Variants in KDM4F observed in about 807,000 individuals in gnomAD.
KDM4F encodes the protein lysine demethylase 4F, also known as probable lysine-specific demethylase 4F.
For missense variants in KDM4F, 586 were observed against 496.4 expected, an observed-to-expected ratio of 1.18 and a Z score of -1.71; for synonymous variants, 223 against 184.4, an observed-to-expected ratio of 1.21 and a Z score of -1.70.
chr11:95,050,077 GC>G, the KDM4F span: 1 of 1,591,496 alleles, frequency 6.3e-7, no homozygotes, highest in Non-Finnish European at 8.6e-7. Flanking sequence ...CATGGTCAGC[GC>G]CTGGAATGCC....
exon 1 of KDM4F, chr11:95,050,709 T>TGTGGTCGTGGTC (rs1231023257): frequency 1.2e-4 from 76 of 630,874 alleles, no homozygotes; most frequent in Non-Finnish European, 1.8e-4. Flanking sequence ...TTGTCGTGGC[T>TGTGGTCGTGGTC]GTGGTCGTGG....
exon 1 of KDM4F, chr11:95,051,303 C>A (rs1282703756): frequency 2.0e-5 from 8 of 398,532 alleles, no homozygotes; most frequent in African/African-American, 1.4e-4. Flanking sequence ...TCCTCTGGAC[C>A]CATGGCCATT....
chr11:95,049,953 T>C, exon 1 of KDM4F: 1 of 1,614,198 alleles, frequency 6.2e-7, no homozygotes, highest in Non-Finnish European at 8.5e-7. Flanking sequence ...ACCCTACCTG[T>C]ACTTTGGCAT....
chr11:95,049,654 G>A (rs908209931), exon 1 of KDM4F: 46 of 1,599,680 alleles, frequency 2.9e-5, no homozygotes, highest in Middle Eastern at 1.7e-4. Flanking sequence ...GTGACCTCTG[G>A]GCAGGGAGGT....
rs1474675132 is a variant in KDM4F, at chr11:95,049,966, G to T, written c.545G>T (p.Trp182Leu). The change falls in exon 1 of 1, where the codon TGG (tryptophan) becomes TTG (leucine). Residue 182 changes from tryptophan (W) to leucine (L), a missense_variant. Trp to Leu is a moderately conservative substitution (Grantham distance 61). Transcript: ENST00000545950. ...ACACCCTACCTGTACTTTGGCATGTGGAAGACCACGTTTGCTTGGCACACG... is the reference window on the plus strand; with the variant it reads ...ACACCCTACCTGTACTTTGGCATGTTGAAGACCACGTTTGCTTGGCACACG... 7 of 1,614,120 alleles carry T rather than the reference G, an allele frequency of 4.3e-6. No homozygotes were observed. The African/African-American group carries it at 5.3e-5, about 12-fold the overall frequency.
chr11:95,050,071 G>A, exon 1 of KDM4F: 1 of 1,601,016 alleles, frequency 6.2e-7, no homozygotes, highest in South Asian at 1.1e-5. Context: ...CCAGAACATG[G>A]TCAGCGCCTG....
At chr11:95,051,274 T>C in exon 1 of KDM4F, 1 of 398,730 alleles carries the variant, frequency 2.5e-6, no homozygotes, top group Non-Finnish European at 4.4e-6. Flanking sequence ...GGAGATATTT[T>C]CCTCCAATGC....
chr11:95,050,475 A>G, exon 1 of KDM4F: 1 of 741,464 alleles, frequency 1.3e-6, no homozygotes, highest in Non-Finnish European at 2.4e-6. Flanking sequence ...GGTTGCAGAA[A>G]GCCAAGAGCC....
At chr11:95,049,727 A>G in exon 1 of KDM4F, 3 of 1,605,562 alleles carry the variant, frequency 1.9e-6, no homozygotes, top group East Asian at 2.2e-5. Flanking sequence ...GCCACTTGGC[A>G]AACAGTAAAA....
chr11:95,051,148 C>A (rs944899483), exon 1 of KDM4F: 11 of 399,982 alleles, frequency 2.8e-5, no homozygotes, highest in East Asian at 3.6e-5. Context: ...AAGGTTGTAG[C>A]AATGGACCAT....
chr11:95,049,424 G>A, exon 1 of KDM4F: 1 of 1,310,130 alleles, frequency 7.6e-7, no homozygotes, highest in Non-Finnish European at 1.0e-6. Flanking sequence ...GTGCAGCCAT[G>A]AAGTCTGTGC....
chr11:95,049,834 G>A (rs961059240), exon 1 of KDM4F: 2 of 1,599,194 alleles, frequency 1.3e-6, no homozygotes, highest in Non-Finnish European at 1.7e-6. Flanking sequence ...GCTGATATCA[G>A]CGGCTCCTTA....
exon 1 of KDM4F, chr11:95,049,836 G>C (rs1447331414): frequency 5.6e-6 from 9 of 1,598,778 alleles, no homozygotes; most frequent in Middle Eastern, 1.7e-4. Context: ...TGATATCAGC[G>C]GCTCCTTATT....
exon 1 of KDM4F, chr11:95,050,011 G>A (rs961030499): frequency 1.2e-6 from 2 of 1,614,106 alleles, no homozygotes; most frequent in Non-Finnish European, 1.7e-6. Context: ...GACCTTTACA[G>A]CATCAACTAC....
At chr11:95,049,574 C>G (rs1858490039) in exon 1 of KDM4F, 1 of 1,597,920 alleles carries the variant, frequency 6.3e-7, no homozygotes, top group Non-Finnish European at 8.5e-7. Context: ...TAATTCCACC[C>G]AAGGAATGGA....
exon 1 of KDM4F, chr11:95,050,051 C>T (rs1858495334): frequency 5.0e-6 from 8 of 1,604,426 alleles, no homozygotes; most frequent in African/African-American, 1.3e-5. Context: ...AAACTTGGTA[C>T]GTGGTGCCCC....
At chr11:95,050,769 G>A (rs893637866) in exon 1 of KDM4F, 23 of 650,490 alleles carry the variant, frequency 3.5e-5, no homozygotes, top group African/African-American at 1.8e-4. Flanking sequence ...ACTGGGGACT[G>A]AGGAGACAAC....
Position 95,049,750 on chromosome 11 carries a change from C to T in KDM4F, c.329C>T (p.Pro110Leu), listed in dbSNP as rs959801594. 96 of 1,604,900 alleles carry T rather than the reference C, an allele frequency of 6.0e-5. 1 individual carries two copies. The highest frequency in any genetic ancestry group is 2.8e-4 in the South Asian group (25 of 90,882). Reference sequence around the variant, plus strand: ...GCAAACAGTAAAAAATATCAGACTCCGCCACACCAGAATTTTGCAGATTTG... The same window carrying T: ...GCAAACAGTAAAAAATATCAGACTCTGCCACACCAGAATTTTGCAGATTTG... The change falls in exon 1 of 1, where the codon CCG (proline) becomes CTG (leucine). Residue 110 changes from proline (P) to leucine (L), a missense_variant. Transcript: ENST00000545950.
At chr11:95,050,113 A>T (rs1332739251) in exon 1 of KDM4F, 4 of 1,574,170 alleles carry the variant, frequency 2.5e-6, no homozygotes, top group Non-Finnish European at 3.5e-6. Context: ...TTCCCAGGCA[A>T]TTCCCGGGGC....
Sources: gnomAD v4.1 joint callset for allele counts on GRCh38, gnomAD v4.1.1 for gene constraint, MANE v1.5 for transcripts, NCBI Gene and HGNC (gene_info 2026-07-23, HGNC 2026-07-21) for gene names.